The following SDE2 variants were observed in gnomAD, a reference collection of about 807,000 sequenced individuals.
SDE2 encodes the protein splicing regulator SDE2.
A neutral mutation model predicts 46.9 loss-of-function variants in SDE2; 31 were observed. The ratio of observed to expected loss-of-function variants is 0.66; its 90% CI spans 0.50 to 0.89. The LOEUF (loss-of-function observed/expected upper bound fraction) is 0.89, where lower values mean the gene tolerates loss of function less well. SDE2 is among the 40% of genes least tolerant of loss of function. The pLI, the probability that SDE2 is intolerant of heterozygous loss-of-function variation, is 0.00. For missense variants in SDE2, 542 were observed against 564.4 expected, an observed-to-expected ratio of 0.96 and a Z score of 0.40; for synonymous variants, 205 against 204.3, an observed-to-expected ratio of 1.00 and a Z score of -0.03.
chr1:225,989,334 A>G (rs1656342882), intron 5 of SDE2, among the ~76,000 whole-genome samples: 1 of 150,606 alleles, frequency 6.6e-6, no homozygotes, highest in Non-Finnish European at 1.5e-5. Context: ...ATAAATAGTT[A>G]TAAAGAAAAT....
intron 6 of SDE2, 25 bp from the exon 7 acceptor site, chr1:225,985,548 T>C (rs1361049878): frequency 1.4e-6 from 2 of 1,410,728 alleles, no homozygotes; most frequent in Admixed American, 1.7e-5. Context: ...TAAGAAAATA[T>C]TTAAAACAGG....
In SDE2 at chr1:225,995,391, C is replaced by T. The variant is rs757280473; in HGVS notation, c.121-8G>A. 1 of 1,530,462 alleles carries T rather than the reference C, an allele frequency of 6.5e-7. No individual in the cohort carries two copies. The highest frequency in any genetic ancestry group is 2.2e-5 in the East Asian group (1 of 44,448). 94.8% of individuals were successfully genotyped at this position (1,530,462 alleles called of 1,614,324 possible). Reference sequence around the variant, plus strand: ...GTTTTCCACTGGAACATTCTAGAGACAAATTTGTTTTTTTAATGCCTTTTA... The same window carrying T: ...GTTTTCCACTGGAACATTCTAGAGATAAATTTGTTTTTTTAATGCCTTTTA... On this transcript the variant is annotated splice_region_variant and splice_polypyrimidine_tract_variant and intron_variant, in intron 1 of 6. Coordinates refer to ENST00000272091, the MANE Select transcript of SDE2 (RefSeq NM_152608.4).
intron 1 of SDE2, among the ~76,000 whole-genome samples, chr1:225,997,209 T>C (rs1331855113): frequency 2.0e-5 from 3 of 152,132 alleles, no homozygotes. Flanking sequence ...CTGTGTCTGT[T>C]ATCCCAGCCT....
At chr1:225,989,102 G>A (rs902406615) in intron 5 of SDE2, among the ~76,000 whole-genome samples, 2 of 150,572 alleles carry the variant, frequency 1.3e-5, no homozygotes, top group Non-Finnish European at 3.0e-5. Flanking sequence ...TTCAAGATCA[G>A]CCTGGCCAAT....
intron 4 of SDE2, among the ~76,000 whole-genome samples, chr1:225,991,598 C>G (rs899802587): frequency 6.6e-6 from 1 of 152,284 alleles, no homozygotes; most frequent in East Asian, 1.9e-4. Context: ...TTGAGACTGA[C>G]AAGTTCATAC....
Position 225,988,245 on chromosome 1 carries a change from A to G in SDE2, c.785T>C (p.Phe262Ser). ...GSNGVEMAAK[F>S]PSGSQRARVV... ...TCTCGCCCTCTGAGAACCACTGGGA[A>G]ATTTGGCTGCCATCTCGACACCATT... The change falls in exon 6 of 7, where the codon TTT (phenylalanine) becomes TCT (serine). Residue 262 changes from phenylalanine (F) to serine (S), a missense_variant. Transcript: ENST00000272091. 1 of 1,614,176 alleles carries G rather than the reference A, an allele frequency of 6.2e-7. No individual in the cohort carries two copies. The highest frequency in any genetic ancestry group is 8.5e-7 in the Non-Finnish European group (1 of 1,180,014).
rs201567463 is a variant in SDE2, at chr1:225,995,428, T to C, written c.121-45A>G. The C allele has an allele frequency of 7.5e-5, 74 of 987,166 alleles. 1 individual carries two copies. In the African/African-American group the frequency reaches 1.0e-3, roughly 13 times the overall value. The allele number at this position is 987,166 out of a possible 1,614,324, so 61.2% of individuals were successfully genotyped here. On this transcript the variant is annotated intron_variant, in intron 1 of 6. Coordinates refer to ENST00000272091, the MANE Select transcript of SDE2 (RefSeq NM_152608.4). ...TTTAATGCCTTTTATGAGATAATAA[T>C]CTAAGTTTGTTACAAGAAGGGACCT...
chr1:225,995,135 C>T (rs1206221901), intron 2 of SDE2, 131 bp downstream of exon 2: 1 of 610,478 alleles, frequency 1.6e-6, no homozygotes, highest in Non-Finnish European at 3.0e-6. Flanking sequence ...TATTGGCATA[C>T]TAAAGAGACT....
intron 5 of SDE2, among the ~76,000 whole-genome samples, chr1:225,988,624 GA>G (rs1290350811): frequency 6.6e-6 from 1 of 152,176 alleles, no homozygotes; most frequent in Non-Finnish European, 1.5e-5. Context: ...AGCTACTCAG[GA>G]GGCTGAGGCA....
intron 5 of SDE2, among the ~76,000 whole-genome samples, chr1:225,989,925 A>G (rs1005045185): frequency 1.3e-5 from 2 of 152,060 alleles, no homozygotes; most frequent in Admixed American, 6.6e-5. Context: ...AAATAAAAAA[A>G]ATCAGCTGGG....
chr1:225,987,368 A>C (rs1313411569), intron 6 of SDE2, among the ~76,000 whole-genome samples: 1 of 152,144 alleles, frequency 6.6e-6, no homozygotes, highest in African/African-American at 2.4e-5. Context: ...TGCCTTTTTT[A>C]AAAGGCTGAC....
At chr1:225,995,520 T>C (rs1656502794) in intron 1 of SDE2, 137 bp from the exon 2 acceptor site, 1 of 521,330 alleles carries the variant, frequency 1.9e-6, no homozygotes, top group Non-Finnish European at 3.4e-6. Flanking sequence ...ATTGAAAATG[T>C]AAACTACTAG....
chr1:225,991,285 T>A lies in SDE2; in HGVS notation c.599A>T (p.Gln200Leu). The part of the protein sequence containing the change: ...NRKRQWPTKS[Q>L]TDRGASAGKR... ...TCCCGCACTGGCTCCTCTGTCTGTT[T>A]GAGATTTAGTAGGCCATTGCCGTTT... Residue 200 changes from glutamine (Q) to leucine (L), a missense_variant, in exon 5 of 7, where the codon CAA becomes CTA. Around this residue, in one of 3 missense-constraint regions of SDE2, gnomAD observed 401 missense variants for 437.8 expected, o/e 0.92. Transcript: ENST00000272091. 6.2e-7 allele frequency: 1 copy of A among 1,605,020 alleles called. No homozygotes were observed. The highest frequency in any genetic ancestry group is 2.2e-5 in the East Asian group (1 of 44,838).
chr1:225,999,224 C>T lies in SDE2; in HGVS notation c.89G>A (p.Arg30Gln), dbSNP rs1215516562. ...VRCASGRCTV[R>Q]DFIHRHCQDQ... ...TTGGCAGTGCCGGTGGATAAAATCC[C>T]GGACGGTGCACCGACCCGAGGCACA... Residue 30 changes from arginine to glutamine, a missense_variant, in exon 1 of 7, where the codon CGG becomes CAG. Transcript: ENST00000272091. The T allele has an allele frequency of 1.2e-6, 2 of 1,612,826 alleles. No homozygotes were observed. Among genetic ancestry groups the T allele is most frequent in the Middle Eastern group, 1.6e-4 (1 of 6,080 alleles).
chr1:225,997,638 C>T (rs1656558348), intron 1 of SDE2, among the ~76,000 whole-genome samples: 1 of 152,054 alleles, frequency 6.6e-6, no homozygotes, highest in African/African-American at 2.4e-5. Flanking sequence ...CACCATGTTG[C>T]CAAGCTGGTC....
In SDE2 at chr1:225,995,364, A is replaced by C; in HGVS notation, c.140T>G (p.Phe47Cys). 6.2e-7 allele frequency: 1 copy of C among 1,605,108 alleles called. No individual in the cohort carries two copies. Among genetic ancestry groups the C allele is most frequent in the South Asian group, 1.1e-5 (1 of 90,692 alleles). ...CQDQNVPVEN[F>C]FVKCNGALIN... The stretch of plus-strand genomic sequence containing the variant: ...GAGTGCTCCATTGCATTTCACAAAG[A>C]AGTTTTCCACTGGAACATTCTAGAG... Residue 47 changes from phenylalanine (F) to cysteine (C), a missense_variant, in exon 2 of 7, where the codon TTC becomes TGC. Coordinates refer to ENST00000272091, the MANE Select transcript of SDE2 (RefSeq NM_152608.4).
In SDE2 at chr1:225,988,027, T is replaced by C. The variant is rs756495190; in HGVS notation, c.1003A>G (p.Thr335Ala). Reference protein sequence around the residue: ...ESKEPIEEEPTGAGLNKDKET... With the variant: ...ESKEPIEEEPAGAGLNKDKET... ...TTATCCTTATTCAGTCCAGCCCCAG[T>C]GGGCTCCTCTTCTATGGGTTCTTTA... Residue 335 changes from threonine to alanine, a missense_variant, in exon 6 of 7, where the codon ACT becomes GCT. Around this residue, in one of 3 missense-constraint regions of SDE2, gnomAD observed 401 missense variants for 437.8 expected, o/e 0.92. Coordinates refer to ENST00000272091, the MANE Select transcript of SDE2 (RefSeq NM_152608.4). 3.7e-6 allele frequency: 6 copies of C among 1,614,218 alleles called. No individual in the cohort carries two copies. The Admixed American group carries it at 1.0e-4, about 27-fold the overall frequency.
chr1:225,993,701 T>C (rs1337400892), intron 2 of SDE2, among the ~76,000 whole-genome samples: 2 of 152,170 alleles, frequency 1.3e-5, no homozygotes, highest in East Asian at 3.8e-4. Context: ...GATTTTTCAA[T>C]GAGTTTAGAA....
intron 6 of SDE2, among the ~76,000 whole-genome samples, chr1:225,987,566 C>A (rs1334502113): frequency 1.3e-5 from 2 of 152,140 alleles, no homozygotes; most frequent in African/African-American, 2.4e-5. Context: ...AATATACCCT[C>A]ATTCATGTAT....
Sources: gnomAD v4.1 joint callset for allele counts (sites outside exome capture counted in the v4.1 genomes callset) on GRCh38, gnomAD v4.1.1 for gene constraint, gnomAD v4.1.1 regional missense constraint, MANE v1.5 for transcripts, NCBI Gene and HGNC (gene_info 2026-07-23, HGNC 2026-07-21) for gene names.